The following HIBADH variants were observed in gnomAD, a reference collection of about 807,000 sequenced individuals.
The protein encoded by HIBADH is 3-hydroxyisobutyrate dehydrogenase, mitochondrial.
HIBADH carries 25 observed loss-of-function variants against 36.1 expected under a neutral mutation model. That is an observed-to-expected ratio of 0.69 (90% CI 0.50 to 0.97). The LOEUF (loss-of-function observed/expected upper bound fraction) is 0.97, where lower values mean the gene tolerates loss of function less well. Ranked by LOEUF, HIBADH falls within the 50% of genes least tolerant of loss-of-function variation. The pLI is 0.00. For synonymous variants in HIBADH, 160 were observed against 149.5 expected (o/e 1.07, Z -0.51); for missense variants, 421 against 418.0 (o/e 1.01, Z -0.06).
intron 1 of HIBADH, among the ~76,000 whole-genome samples, chr7:27,657,077 T>C (rs1786320345): frequency 6.6e-6 from 1 of 152,014 alleles, no homozygotes; most frequent in Middle Eastern, 3.4e-3. Context: ...CTGGAAATGC[T>C]GTGGAAAATC....
intron 4 of HIBADH, among the ~76,000 whole-genome samples, chr7:27,591,529 C>A (rs543646925): frequency 6.8e-6 from 1 of 146,786 alleles, no homozygotes; most frequent in Non-Finnish European, 1.5e-5. Flanking sequence ...CCAGCCTGGG[C>A]GACAGAGCGA....
chr7:27,661,003 G>C (rs1786405467), intron 1 of HIBADH, among the ~76,000 whole-genome samples: 1 of 152,152 alleles, frequency 6.6e-6, no homozygotes, highest in Non-Finnish European at 1.5e-5. Flanking sequence ...GTCTTCCTTG[G>C]CTAATGGGAA....
At chr7:27,626,201 C>A (rs73073118) in intron 4 of HIBADH, among the ~76,000 whole-genome samples, 5,323 of 150,966 alleles carry the variant, frequency 0.035, 130 homozygotes, top group Non-Finnish European at 0.054. Context: ...CAGTGCATGC[C>A]AGTATCAAAA....
chr7:27,603,444 G>A (rs1005024175), intron 4 of HIBADH, among the ~76,000 whole-genome samples: 1 of 151,834 alleles, frequency 6.6e-6, no homozygotes, highest in African/African-American at 2.4e-5. Context: ...TTTTATGTTA[G>A]GTTTTGTTGT....
chr7:27,617,687 C>T (rs560762876), intron 4 of HIBADH, among the ~76,000 whole-genome samples: 3 of 152,254 alleles, frequency 2.0e-5, no homozygotes, highest in East Asian at 1.9e-4. Flanking sequence ...TACAGGAAAA[C>T]GGTAAGTAAA....
intron 4 of HIBADH, among the ~76,000 whole-genome samples, chr7:27,623,949 C>A (rs919518816): frequency 2.0e-5 from 3 of 152,154 alleles, no homozygotes; most frequent in Non-Finnish European, 4.4e-5. Context: ...AGGCGCATGC[C>A]ACCGTGGCCA....
chr7:27,629,069 T>A (rs1332545165), intron 4 of HIBADH, among the ~76,000 whole-genome samples: 1 of 151,932 alleles, frequency 6.6e-6, no homozygotes, highest in East Asian at 1.9e-4. Context: ...TTAAGCTGAT[T>A]TTTTTTTCAA....
chr7:27,584,949 A>G (rs186736351), intron 4 of HIBADH, among the ~76,000 whole-genome samples: 1 of 152,112 alleles, frequency 6.6e-6, no homozygotes, highest in East Asian at 1.9e-4. Context: ...TGGAGGGTAC[A>G]CTGAGAACCA....
At chr7:27,632,668 C>T (rs183763727) in intron 2 of HIBADH, among the ~76,000 whole-genome samples, 4 of 151,016 alleles carry the variant, frequency 2.6e-5, no homozygotes, top group Admixed American at 6.6e-5. Flanking sequence ...TCAAATCTAT[C>T]GTTTATTTTT....
Position 27,649,467 on chromosome 7 carries a change from T to C in HIBADH, c.252+6A>G, listed in dbSNP as rs770391388. 8 of 1,599,940 alleles carry C rather than the reference T, an allele frequency of 5.0e-6. No individual in the cohort carries two copies. In the African/African-American group the frequency reaches 6.7e-5, roughly 13 times the overall value. The stretch of plus-strand genomic sequence containing the variant: ...ATCTAAAACAAATCTAAAGAAAAGG[T>C]CTTACCTGTTCACCTGCATCTTGAA... On this transcript the variant is annotated splice_donor_region_variant and intron_variant, in intron 2 of 7. Coordinates refer to ENST00000265395, the MANE Select transcript of HIBADH (RefSeq NM_152740.4).
chr7:27,613,030 T>G (rs1785350362), intron 4 of HIBADH, among the ~76,000 whole-genome samples: 1 of 132,332 alleles, frequency 7.6e-6, no homozygotes, highest in Admixed American at 8.6e-5. Flanking sequence ...ATATATTATA[T>G]TTACATAATA....
chr7:27,631,131 G>A (rs77095436), intron 3 of HIBADH, among the ~76,000 whole-genome samples: 2,378 of 152,256 alleles, frequency 0.016, 27 homozygotes, highest in Non-Finnish European at 0.025. Context: ...CCTTAGCAAA[G>A]GATATTAACA....
chr7:27,659,729 TAAACAAAC>T (rs70974490), intron 1 of HIBADH, among the ~76,000 whole-genome samples: 20,942 of 151,180 alleles, frequency 0.14, 1,689 homozygotes, highest in Middle Eastern at 0.18. Flanking sequence ...CCATCTCAAA[TAAACAAAC>T]AAACAAACAA....
intron 7 of HIBADH, among the ~76,000 whole-genome samples, chr7:27,528,396 AAAAC>A (rs372999747): frequency 1.4e-3 from 206 of 152,334 alleles, no homozygotes; most frequent in African/African-American, 4.8e-3. Flanking sequence ...CAGGCCCATT[AAAAC>A]AAACAGTAGA....
intron 2 of HIBADH, among the ~76,000 whole-genome samples, chr7:27,646,015 A>C (rs1786063170): frequency 6.6e-6 from 1 of 152,162 alleles, no homozygotes; most frequent in South Asian, 2.1e-4. Context: ...CATATCTAAG[A>C]ATCCTTCGCC....
chr7:27,591,673 C>A (rs1784943201), intron 4 of HIBADH, among the ~76,000 whole-genome samples: 1 of 152,116 alleles, frequency 6.6e-6, no homozygotes, highest in Admixed American at 6.5e-5. Flanking sequence ...TTTACATATA[C>A]ACACAATGTA....
chr7:27,601,479 G>A (rs903538290), intron 4 of HIBADH, among the ~76,000 whole-genome samples: 2 of 151,682 alleles, frequency 1.3e-5, no homozygotes, highest in African/African-American at 2.4e-5. Flanking sequence ...TACTATAAAC[G>A]TGCTAAAAAA....
At chr7:27,531,911 C>CA (rs56969824) in intron 6 of HIBADH, among the ~76,000 whole-genome samples, 116,399 of 152,054 alleles carry the variant, frequency 0.77, 45,103 homozygotes, top group East Asian at 0.94. Context: ...TAAAAGAAGA[C>CA]TTTTTGCTGC....
intron 2 of HIBADH, among the ~76,000 whole-genome samples, chr7:27,646,092 G>A (rs1210909201): frequency 6.6e-6 from 1 of 152,074 alleles, no homozygotes; most frequent in African/African-American, 2.4e-5. Flanking sequence ...ATCTTTGGGG[G>A]TTGGGGAGGT....
Sources: allele counts gnomAD v4.1 joint callset (sites outside exome capture counted in the v4.1 genomes callset), GRCh38; gene constraint gnomAD v4.1.1; transcripts MANE v1.5; gene names NCBI Gene and HGNC (gene_info 2026-07-23, HGNC 2026-07-21).